The following FRAS1 variants were observed in gnomAD, a reference collection of about 807,000 sequenced individuals.
The protein encoded by FRAS1 is Fraser extracellular matrix complex subunit 1, also known as extracellular matrix organizing protein FRAS1.
Under a neutral mutation model 435.2 loss-of-function variants are expected in FRAS1, and 290 were observed. That is an observed-to-expected ratio of 0.67 (90% confidence interval 0.61 to 0.73). The LOEUF is 0.73. Ranked by LOEUF, FRAS1 falls within the 30% of genes least tolerant of loss-of-function variation. The probability of loss-of-function intolerance (pLI) is 0.00; values close to 1 mark genes in which losing one functional copy is unlikely to be tolerated. For missense variants in FRAS1, 4,860 were observed against 5,001.5 expected (o/e 0.97, Z 0.85); for synonymous variants, 1,800 against 1,851.0 (o/e 0.97, Z 0.71).
chr4:78,165,022 A>T (rs1721279800), intron 2 of FRAS1, among the ~76,000 whole-genome samples: 1 of 152,200 alleles, frequency 6.6e-6, no homozygotes, highest in Non-Finnish European at 1.5e-5. Flanking sequence ...ATTACAAATT[A>T]AAAAGATAAA....
At chr4:78,125,505 C>G (rs1191363114) in intron 2 of FRAS1, among the ~76,000 whole-genome samples, 1 of 152,180 alleles carries the variant, frequency 6.6e-6, no homozygotes, top group Non-Finnish European at 1.5e-5. Flanking sequence ...TCTATTAGGT[C>G]AGCTTGGTCC....
intron 2 of FRAS1, among the ~76,000 whole-genome samples, chr4:78,083,626 GT>G (rs35633131): frequency 7.9e-4 from 86 of 108,290 alleles, no homozygotes; most frequent in African/African-American, 1.1e-3. Context: ...TGCAAGTTCT[GT>G]TTTTTTTTTT....
intron 41 of FRAS1, among the ~76,000 whole-genome samples, chr4:78,441,621 G>T (rs1017000158): frequency 1.6e-5 from 2 of 124,520 alleles, no homozygotes; most frequent in African/African-American, 6.0e-5. Flanking sequence ...ATGTTAGAAG[G>T]TGAATAAATA....
At chr4:78,222,124 C>T (rs1189949660) in intron 2 of FRAS1, among the ~76,000 whole-genome samples, 2 of 152,080 alleles carry the variant, frequency 1.3e-5, no homozygotes, top group Non-Finnish European at 2.9e-5. Context: ...TTAATGGGCT[C>T]AAGGCACTGG....
At position 78,414,378 on chromosome 4, in the gene FRAS1, G is replaced by C. The variant is rs114154170; in HGVS notation, c.4425+1293G>C. On this transcript the variant is annotated intron_variant, in intron 32 of 73. Coordinates refer to ENST00000512123, the MANE Select transcript of FRAS1 (RefSeq NM_025074.7). ...TGCTGTCACTGTGGACCTCTGAAGA[G>C]ACTTTTCAAGTCACTTAGCCTTTAG... 3.5e-3 allele frequency among the ~76,000 whole-genome samples: 536 copies of C among 152,332 alleles called. 3 individuals are homozygous for C. The highest frequency in any genetic ancestry group is 0.012 in the African/African-American group (499 of 41,576).
At chr4:78,216,544 A>T (rs964613289) in intron 2 of FRAS1, among the ~76,000 whole-genome samples, 8 of 152,298 alleles carry the variant, frequency 5.3e-5, no homozygotes, top group Admixed American at 2.0e-4. Flanking sequence ...GATAATAGGG[A>T]TAATAGAGAA....
chr4:78,160,770 A>T (rs970195599), intron 2 of FRAS1, among the ~76,000 whole-genome samples: 1 of 152,186 alleles, frequency 6.6e-6, no homozygotes, highest in Non-Finnish European at 1.5e-5. Flanking sequence ...ATAAAGCCTC[A>T]TTTTTGAGAT....
chr4:78,434,814 T>G (rs985291775), intron 38 of FRAS1, among the ~76,000 whole-genome samples: 23 of 152,178 alleles, frequency 1.5e-4, no homozygotes, highest in African/African-American at 4.8e-4. Context: ...TGTCCCCTGG[T>G]CTAAATCTAG....
At chr4:78,064,613 A>G (rs897472116) in intron 1 of FRAS1, among the ~76,000 whole-genome samples, 2 of 146,292 alleles carry the variant, frequency 1.4e-5, no homozygotes, top group African/African-American at 2.5e-5. Flanking sequence ...GTATACCAAG[A>G]AAAAAAAAAA....
intron 2 of FRAS1, among the ~76,000 whole-genome samples, chr4:78,118,478 T>C (rs1246478836): frequency 6.6e-6 from 1 of 151,722 alleles, no homozygotes; most frequent in Non-Finnish European, 1.5e-5. Flanking sequence ...CAGATCGAGC[T>C]TCCCGGCTGC....
intron 58 of FRAS1, among the ~76,000 whole-genome samples, chr4:78,484,017 ACT>A (rs1034798203): frequency 6.6e-6 from 1 of 151,830 alleles, no homozygotes; most frequent in African/African-American, 2.4e-5. Flanking sequence ...CAGTTCCAAC[ACT>A]CTGCAAAATT....
At chr4:78,531,370 T>C (rs967781187) in intron 70 of FRAS1, among the ~76,000 whole-genome samples, 5 of 152,164 alleles carry the variant, frequency 3.3e-5, no homozygotes, top group Non-Finnish European at 7.4e-5. Context: ...GAACTTCCAA[T>C]ACTACGTTGA....
At chr4:78,113,855 G>C (rs1344897855) in intron 2 of FRAS1, among the ~76,000 whole-genome samples, 2 of 152,136 alleles carry the variant, frequency 1.3e-5, no homozygotes, top group Non-Finnish European at 2.9e-5. Context: ...TGTCAATTTT[G>C]GCTTTTGTTG....
intron 14 of FRAS1, among the ~76,000 whole-genome samples, chr4:78,298,953 C>A (rs1287711933): frequency 6.6e-6 from 1 of 152,154 alleles, no homozygotes; most frequent in Non-Finnish European, 1.5e-5. Flanking sequence ...GAGGCATATG[C>A]AACATGCTGC....
chr4:78,336,203 A>G (rs1328146464), intron 19 of FRAS1, among the ~76,000 whole-genome samples: 1 of 152,108 alleles, frequency 6.6e-6, no homozygotes. Flanking sequence ...CCTTTTTCTA[A>G]CTGTCTTTTT....
At chr4:78,277,698 TA>T (rs57529910) in intron 9 of FRAS1, among the ~76,000 whole-genome samples, 1 of 151,966 alleles carries the variant, frequency 6.6e-6, no homozygotes, top group Non-Finnish European at 1.5e-5. Context: ...TATTATTTTG[TA>T]AAAAAATAAA....
intron 18 of FRAS1, among the ~76,000 whole-genome samples, chr4:78,327,304 T>G (rs747999669): frequency 1.3e-5 from 2 of 152,144 alleles, no homozygotes; most frequent in African/African-American, 2.4e-5. Flanking sequence ...GTACTCCCGT[T>G]GTGAGTCTAG....
intron 4 of FRAS1, among the ~76,000 whole-genome samples, chr4:78,246,416 T>C (rs796916553): frequency 6.6e-6 from 1 of 152,254 alleles, no homozygotes; most frequent in African/African-American, 2.4e-5. Context: ...TGTTTCCTAA[T>C]TACACAAGGA....
chr4:78,071,174 A>G (rs1035246077), intron 2 of FRAS1: 2 of 152,180 alleles, frequency 1.3e-5, no homozygotes, highest in African/African-American at 2.4e-5. Flanking sequence ...ACTATATATA[A>G]CACTGCAGGA....
Sources: gnomAD v4.1 joint callset for allele counts (sites outside exome capture counted in the v4.1 genomes callset) on GRCh38, gnomAD v4.1.1 for gene constraint, MANE v1.5 for transcripts, NCBI Gene and HGNC (gene_info 2026-07-23, HGNC 2026-07-21) for gene names.